Variants in ITGBL1 observed in about 807,000 individuals in gnomAD.
The protein encoded by ITGBL1 is integrin beta-like protein 1.
In ITGBL1, 51 loss-of-function variants were observed where a neutral mutation model predicts 68.5. The observed-to-expected ratio is 0.74, with a 90% confidence interval of 0.59 to 0.94. The LOEUF (loss-of-function observed/expected upper bound fraction) is 0.94. Ranked by LOEUF, ITGBL1 falls within the 40% of genes least tolerant of loss-of-function variation. The pLI is 0.00. For missense variants in ITGBL1, 649 were observed against 647.4 expected (o/e 1.00, Z -0.03); for synonymous variants, 209 against 227.3 (o/e 0.92, Z 0.72).
At chr13:101,483,797 CTTT>C (rs1272303213) in intron 2 of ITGBL1, among the ~76,000 whole-genome samples, 1 of 152,052 alleles carries the variant, frequency 6.6e-6, no homozygotes, top group African/African-American at 2.4e-5. Flanking sequence ...TCACATATTT[CTTT>C]AAGTGGAATG....
chr13:101,454,904 G>A (rs919877737), intron 2 of ITGBL1, among the ~76,000 whole-genome samples: 2 of 152,182 alleles, frequency 1.3e-5, no homozygotes, highest in African/African-American at 4.8e-5. Context: ...AGGGTGGAGT[G>A]AAAATACATT....
At chr13:101,614,965 G>C (rs901697618) in intron 7 of ITGBL1, among the ~76,000 whole-genome samples, 9 of 152,070 alleles carry the variant, frequency 5.9e-5, no homozygotes, top group Non-Finnish European at 1.2e-4. Context: ...TAGATTCCTA[G>C]GGCTGCAAAA....
chr13:101,523,603 C>A (rs940651792), intron 2 of ITGBL1, among the ~76,000 whole-genome samples: 3 of 152,112 alleles, frequency 2.0e-5, no homozygotes, highest in African/African-American at 7.2e-5. Flanking sequence ...CAGATGACTT[C>A]CAAAACGTCA....
At chr13:101,575,721 C>G (rs1333380461) in intron 4 of ITGBL1, among the ~76,000 whole-genome samples, 175 bp downstream of exon 4, 1 of 152,014 alleles carries the variant, frequency 6.6e-6, no homozygotes, top group Non-Finnish European at 1.5e-5. Flanking sequence ...TAAGAGTAGA[C>G]TAGTACTTTT....
chr13:101,560,144 A>G (rs2050075552), intron 2 of ITGBL1, among the ~76,000 whole-genome samples: 2 of 152,220 alleles, frequency 1.3e-5, no homozygotes, highest in African/African-American at 2.4e-5. Context: ...TTCTTTCACA[A>G]TCTTTTCTTA....
intron 2 of ITGBL1, among the ~76,000 whole-genome samples, chr13:101,476,903 G>T (rs548069662): frequency 3.3e-5 from 5 of 152,210 alleles, no homozygotes; most frequent in African/African-American, 9.6e-5. Flanking sequence ...AAGAGCTAAA[G>T]ACTTTAACAC....
chr13:101,547,106 C>A (rs117355044), intron 2 of ITGBL1, among the ~76,000 whole-genome samples: 2,038 of 151,722 alleles, frequency 0.013, 9 homozygotes, highest in Non-Finnish European at 0.02. Flanking sequence ...TAATGAAAAT[C>A]CTGAATATCA....
intron 2 of ITGBL1, among the ~76,000 whole-genome samples, chr13:101,539,575 G>C (rs2049649853): frequency 6.6e-6 from 1 of 151,896 alleles, no homozygotes; most frequent in South Asian, 2.1e-4. Flanking sequence ...CCAGTAATGG[G>C]ATTGCTGGGT....
chr13:101,669,403 A>G (rs1594968063), intron 7 of ITGBL1, among the ~76,000 whole-genome samples: 1 of 152,138 alleles, frequency 6.6e-6, no homozygotes, highest in South Asian at 2.1e-4. Context: ...AGAAGAAAAT[A>G]TAGGAGAAAA....
At chr13:101,605,682 G>A (rs1008184481) in intron 7 of ITGBL1, among the ~76,000 whole-genome samples, 1 of 151,562 alleles carries the variant, frequency 6.6e-6, no homozygotes, top group Non-Finnish European at 1.5e-5. Context: ...ATGTGTTTAT[G>A]CGTATACACG....
At chr13:101,599,754 C>A (rs866039151) in intron 7 of ITGBL1, among the ~76,000 whole-genome samples, 1 of 152,024 alleles carries the variant, frequency 6.6e-6, no homozygotes, top group Non-Finnish European at 1.5e-5. Context: ...TGTAGATATG[C>A]GGCATTATTT....
At chr13:101,606,184 A>G (rs1258653271) in intron 7 of ITGBL1, among the ~76,000 whole-genome samples, 1 of 145,512 alleles carries the variant, frequency 6.9e-6, no homozygotes, top group African/African-American at 2.5e-5. Context: ...TTATATATAT[A>G]TATATATAGC....
intron 2 of ITGBL1, among the ~76,000 whole-genome samples, chr13:101,530,523 T>G (rs533532824): frequency 6.6e-6 from 1 of 152,336 alleles, no homozygotes; most frequent in African/African-American, 2.4e-5. Context: ...TTCCCAGCCC[T>G]TCCCTTTTGG....
At chr13:101,599,973 G>A (rs1046971506) in intron 7 of ITGBL1, among the ~76,000 whole-genome samples, 1 of 152,206 alleles carries the variant, frequency 6.6e-6, no homozygotes, top group African/African-American at 2.4e-5. Flanking sequence ...ATTCTGTGAA[G>A]AAAGTCATTG....
intron 7 of ITGBL1, among the ~76,000 whole-genome samples, chr13:101,650,439 A>C (rs2032708575): frequency 6.6e-6 from 1 of 151,928 alleles, no homozygotes; most frequent in Non-Finnish European, 1.5e-5. Flanking sequence ...CATGACCCTT[A>C]TTTCATGTTG....
intron 2 of ITGBL1, among the ~76,000 whole-genome samples, chr13:101,485,391 A>G (rs1189276540): frequency 1.3e-5 from 2 of 152,212 alleles, no homozygotes; most frequent in African/African-American, 4.8e-5. Context: ...ATGAATAGAC[A>G]GTTCTCAAAA....
chr13:101,529,434 A>G (rs1307569008), intron 2 of ITGBL1, among the ~76,000 whole-genome samples: 4 of 152,234 alleles, frequency 2.6e-5, no homozygotes, highest in African/African-American at 4.8e-5. Flanking sequence ...TAAAACTACC[A>G]GATTCTAAAG....
chr13:101,618,412 A>G (rs1340241935), intron 7 of ITGBL1, among the ~76,000 whole-genome samples: 1 of 152,210 alleles, frequency 6.6e-6, no homozygotes, highest in Non-Finnish European at 1.5e-5. Context: ...ATCCTTTGTC[A>G]TTAGTTATAG....
At position 101,551,059 on chromosome 13, in the gene ITGBL1, C is replaced by A. The variant is rs557696737; in HGVS notation, c.317-16640C>A. On this transcript the variant is annotated intron_variant, in intron 2 of 10. Coordinates refer to ENST00000376180, the MANE Select transcript of ITGBL1 (RefSeq NM_004791.3). The stretch of plus-strand genomic sequence containing the variant: ...CACTGGGGTGTATGGATTTTGCTGA[C>A]CCTCTGTCATCATGTAGGCATGATG... Among the ~76,000 whole-genome samples the A allele has an allele frequency of 3.9e-5, 6 of 152,212 alleles. No homozygotes were observed. The South Asian group carries it at 1.2e-3, about 32-fold the overall frequency.
Sources: allele counts gnomAD v4.1 joint callset (sites outside exome capture counted in the v4.1 genomes callset), GRCh38; gene constraint gnomAD v4.1.1; transcripts MANE v1.5; gene names NCBI Gene and HGNC (gene_info 2026-07-23, HGNC 2026-07-21).